GRIK1: variants seen among roughly 807,000 people sequenced by gnomAD.
GRIK1 encodes the protein glutamate ionotropic receptor kainate type subunit 1.
Under a neutral mutation model 105.7 loss-of-function variants are expected in GRIK1, and 69 were observed. The observed-to-expected ratio is 0.65, with a 90% CI of 0.54 to 0.80. The LOEUF (loss-of-function observed/expected upper bound fraction) is 0.80, where lower values mean the gene tolerates loss of function less well. Ranked by LOEUF, GRIK1 falls within the 30% of genes least tolerant of loss-of-function variation. The pLI, the probability that GRIK1 is intolerant of heterozygous loss-of-function variation, is 0.00. For missense variants in GRIK1, 1,109 were observed against 1,167.3 expected (o/e 0.95, Z 0.73); for synonymous variants, 438 against 431.3 (o/e 1.02, Z -0.19).
At chr21:29,859,968 G>A (rs1046513949) in intron 1 of GRIK1, among the ~76,000 whole-genome samples, 1 of 152,134 alleles carries the variant, frequency 6.6e-6, no homozygotes, top group Non-Finnish European at 1.5e-5. Context: ...ACTCATCTTG[G>A]CACACTGTGT....
intron 14 of GRIK1, among the ~76,000 whole-genome samples, chr21:29,565,422 G>T (rs768708704): frequency 1.3e-5 from 2 of 152,084 alleles, no homozygotes; most frequent in Admixed American, 1.3e-4. Flanking sequence ...CACCTTAAAG[G>T]TGTAGTGAGC....
At chr21:29,812,343 C>T (rs17189093) in intron 1 of GRIK1, among the ~76,000 whole-genome samples, 1 of 152,100 alleles carries the variant, frequency 6.6e-6, no homozygotes, top group Non-Finnish European at 1.5e-5. Flanking sequence ...AGCCAAATAC[C>T]TCTAACTCTG....
intron 1 of GRIK1, among the ~76,000 whole-genome samples, chr21:29,854,384 C>G (rs2068398209): frequency 6.6e-6 from 1 of 152,078 alleles, no homozygotes; most frequent in African/African-American, 2.4e-5. Flanking sequence ...CAGACTTCAA[C>G]ATGAGATTTG....
At chr21:29,617,189 C>T (rs993468427) in intron 7 of GRIK1, among the ~76,000 whole-genome samples, 37 of 152,236 alleles carry the variant, frequency 2.4e-4, no homozygotes, top group African/African-American at 7.7e-4. Context: ...AAACACCTTC[C>T]AGAGAAGGAA....
chr21:29,691,170 G>A (rs1316117665), intron 2 of GRIK1, among the ~76,000 whole-genome samples: 2 of 152,228 alleles, frequency 1.3e-5, no homozygotes, highest in East Asian at 3.9e-4. Context: ...AATTAGCCAG[G>A]TGTGTTGGTG....
At chr21:29,723,485 A>G (rs1350881628) in intron 1 of GRIK1, among the ~76,000 whole-genome samples, 1 of 152,246 alleles carries the variant, frequency 6.6e-6, no homozygotes, top group Non-Finnish European at 1.5e-5. Context: ...CATGAGAGGA[A>G]TCACAGAACA....
At chr21:29,750,610 G>A (rs754007079) in intron 1 of GRIK1, among the ~76,000 whole-genome samples, 22 of 152,162 alleles carry the variant, frequency 1.4e-4, no homozygotes, top group Non-Finnish European at 2.2e-4. Context: ...ACGCCAAGCA[G>A]TATGGTCCAA....
At chr21:29,545,250 T>G (rs1355051587) in intron 16 of GRIK1, among the ~76,000 whole-genome samples, 1 of 152,220 alleles carries the variant, frequency 6.6e-6, no homozygotes, top group Non-Finnish European at 1.5e-5. Context: ...GGGCCTTGTA[T>G]ACCTGGAAGT....
intron 1 of GRIK1, among the ~76,000 whole-genome samples, chr21:29,700,165 C>G (rs1317685785): frequency 6.6e-6 from 1 of 152,102 alleles, no homozygotes. Context: ...ACTCTTGAAC[C>G]AGTGAAGTGC....
At chr21:29,537,665 TAGATAACTTAC>T (rs2123633003) in intron 17 of GRIK1, 122 bp downstream of exon 17, 2 of 754,620 alleles carry the variant, frequency 2.7e-6, no homozygotes, top group East Asian at 4.9e-5. Flanking sequence ...GCTCTCAAAA[TAGATAACTTAC>T]CTTTGCTGAG....
At chr21:29,739,863 T>G in intron 1 of GRIK1, among the ~76,000 whole-genome samples, 1 of 152,238 alleles carries the variant, frequency 6.6e-6, no homozygotes, top group East Asian at 1.9e-4. Flanking sequence ...CTTTTTATAT[T>G]ATCACCTTTC....
chr21:29,829,595 C>T (rs2067569861), intron 1 of GRIK1, among the ~76,000 whole-genome samples: 1 of 152,108 alleles, frequency 6.6e-6, no homozygotes, highest in South Asian at 2.1e-4. Flanking sequence ...TATCATTTCC[C>T]TCATTCTAAA....
intron 16 of GRIK1, among the ~76,000 whole-genome samples, chr21:29,543,813 C>T (rs1862478197): frequency 2.0e-5 from 3 of 152,182 alleles, no homozygotes; most frequent in Admixed American, 2.0e-4. Context: ...GACCCAGCAG[C>T]CACGTCTTGC....
chr21:29,561,581 G>A, intron 15 of GRIK1, 43 bp downstream of exon 15: 1 of 1,318,166 alleles, frequency 7.6e-7, no homozygotes, highest in Non-Finnish European at 1.1e-6. Flanking sequence ...ACTGGTAACT[G>A]ACATTCTGTA....
intron 1 of GRIK1, among the ~76,000 whole-genome samples, chr21:29,719,221 TA>T (rs1416275202): frequency 1.3e-5 from 2 of 151,358 alleles, no homozygotes; most frequent in African/African-American, 4.8e-5. Flanking sequence ...CTAGTATTTT[TA>T]TCTGGTATTT....
intron 1 of GRIK1, among the ~76,000 whole-genome samples, chr21:29,715,464 A>C (rs1487987280): frequency 6.6e-6 from 1 of 152,080 alleles, no homozygotes; most frequent in African/African-American, 2.4e-5. Flanking sequence ...AACCAAGATA[A>C]GTAATATTTT....
intron 1 of GRIK1, among the ~76,000 whole-genome samples, chr21:29,865,815 T>C (rs1273895326): frequency 6.6e-6 from 1 of 152,234 alleles, no homozygotes. Flanking sequence ...CATTCCAGTT[T>C]TCACAAATCT....
chr21:29,671,720 T>A (rs1348258061), intron 4 of GRIK1, among the ~76,000 whole-genome samples: 1 of 152,188 alleles, frequency 6.6e-6, no homozygotes, highest in Non-Finnish European at 1.5e-5. Flanking sequence ...CAATACAGCT[T>A]GTGTTATTTT....
intron 7 of GRIK1, among the ~76,000 whole-genome samples, chr21:29,629,621 C>T (rs1444793363): frequency 6.6e-6 from 1 of 151,964 alleles, no homozygotes; most frequent in African/African-American, 2.4e-5. Context: ...TCCGGAGTAG[C>T]TGGGACTAGA....
Sources: allele counts gnomAD v4.1 joint callset (sites outside exome capture counted in the v4.1 genomes callset), GRCh38; gene constraint gnomAD v4.1.1; transcripts MANE v1.5; gene names NCBI Gene and HGNC (gene_info 2026-07-23, HGNC 2026-07-21).